The following MICAL2 variants were observed in gnomAD, a reference collection of about 807,000 sequenced individuals.
The protein encoded by MICAL2 is microtubule associated monooxygenase, calponin and LIM domain containing 2.
A neutral mutation model predicts 127.3 loss-of-function variants in MICAL2; 77 were observed. That is an observed-to-expected ratio of 0.60 (90% CI 0.50 to 0.73). The LOEUF (loss-of-function observed/expected upper bound fraction) is 0.73. MICAL2 is among the 30% of genes least tolerant of loss of function. MICAL2 has a pLI of 0.00. For missense variants in MICAL2, 1,351 were observed against 1,434.4 expected (o/e 0.94, Z 0.94); for synonymous variants, 570 against 551.1 (o/e 1.03, Z -0.48).
rs1156325789 is a variant in MICAL2, at chr11:12,286,995, T to C, written c.255-92T>C. ...TCATTAGTCTATTGACTTGTGGTAATTGAGCTATAGGAGATAAATTCCTAC... is the reference window on the plus strand; with the variant it reads ...TCATTAGTCTATTGACTTGTGGTAACTGAGCTATAGGAGATAAATTCCTAC... On this transcript the variant is annotated intron_variant, in intron 2 of 2. Transcript: ENST00000529028. 3 of 398,302 alleles carry C rather than the reference T, an allele frequency of 7.5e-6. No homozygotes were observed. In the South Asian group the frequency reaches 3.9e-4, roughly 52 times the overall value. The allele number at this position is 398,302 out of a possible 1,614,324, so 24.7% of individuals were successfully genotyped here. A position where few individuals can be genotyped will look rare whatever the true frequency, so the allele number is the denominator to read the frequency against.
intron 11 of MICAL2, among the ~76,000 whole-genome samples, 159 bp from the exon 12 acceptor site, chr11:12,223,252 A>G (rs971305083): frequency 6.6e-6 from 1 of 152,186 alleles, no homozygotes; most frequent in Admixed American, 6.5e-5. Flanking sequence ...CCATTGCTCT[A>G]TGACTGAAGT....
intron 21 of MICAL2, among the ~76,000 whole-genome samples, 165 bp downstream of exon 21, chr11:12,244,277 A>G (rs999264061): frequency 6.6e-6 from 1 of 152,196 alleles, no homozygotes. Context: ...GTGTTAGAGC[A>G]CACAACACGG....
At chr11:12,220,534 G>A in intron 9 of MICAL2, 76 bp downstream of exon 9, 1 of 1,548,060 alleles carries the variant, frequency 6.5e-7, no homozygotes, top group Non-Finnish European at 8.7e-7. Context: ...GGCAGTATCT[G>A]CTGTTGTGCA....
chr11:12,293,747 C>A, downstream of MICAL2: 2 of 1,613,922 alleles, frequency 1.2e-6, no homozygotes, highest in Non-Finnish European at 1.7e-6. Flanking sequence ...CCTCTCAGAC[C>A]CTGCAGAGAT....
chr11:12,284,030 G>A (rs914600666), intron 2 of MICAL2, among the ~76,000 whole-genome samples: 1 of 152,186 alleles, frequency 6.6e-6, no homozygotes, highest in Non-Finnish European at 1.5e-5. Flanking sequence ...AGTGGACCAT[G>A]TTCTACACTT....
intron 3 of MICAL2, among the ~76,000 whole-genome samples, chr11:12,172,112 G>A (rs1590180595): frequency 6.6e-6 from 1 of 152,148 alleles, no homozygotes; most frequent in Non-Finnish European, 1.5e-5. Flanking sequence ...CAAGGTGGCT[G>A]CTGCAGCTCC....
At chr11:12,290,586 C>T (rs1407270317), downstream of MICAL2, among the ~76,000 whole-genome samples, 1 of 152,174 alleles carries the variant, frequency 6.6e-6, no homozygotes, top group Non-Finnish European at 1.5e-5. Context: ...CCTTTTTAGG[C>T]TTGAACCTTC....
At chr11:12,360,406 A>G (rs754255982), downstream of MICAL2, among the ~76,000 whole-genome samples, 34 of 152,322 alleles carry the variant, frequency 2.2e-4, no homozygotes, top group Non-Finnish European at 4.6e-4. Context: ...ATAGTATTAA[A>G]GATTTCAGCT....
At position 12,227,007 on chromosome 11, in the gene MICAL2, C is replaced by T. The variant is rs181639139; in HGVS notation, c.1889-18C>T. 46 of 1,594,134 alleles carry T rather than the reference C, an allele frequency of 2.9e-5. No individual in the cohort carries two copies. The highest frequency in any genetic ancestry group is 3.6e-5 in the Non-Finnish European group (42 of 1,162,078). ...AGAGCCAGGTTCCAAATCACAGTTG[C>T]GCTTTATTTCCCAACAGATTCTTGG... On this transcript the variant is annotated intron_variant, in intron 14 of 27. Transcript: ENST00000683283.
At chr11:12,342,322 C>T (rs950459078) in intron 32 of MICAL2, among the ~76,000 whole-genome samples, 15 of 152,216 alleles carry the variant, frequency 9.9e-5, no homozygotes, top group African/African-American at 3.1e-4. Flanking sequence ...AGCAAACCAT[C>T]GCATAGGTAC....
At chr11:12,284,665 G>C (rs1202713745) in intron 2 of MICAL2, among the ~76,000 whole-genome samples, 1 of 152,088 alleles carries the variant, frequency 6.6e-6, no homozygotes, top group Non-Finnish European at 1.5e-5. Context: ...GCTAGCTTTG[G>C]CCAGCAGGAT....
rs567269144 is a variant in MICAL2 at position 12,127,304 on chromosome 11, T to C, written c.-148-11086T>C. ...TTTCTTCTTAGGCATTTTACATGTC[T>C]GCTCATTCATTCATTCAGCAGGTAT... is the stretch of plus-strand genomic sequence containing the variant. On this transcript the variant is annotated intron_variant, in intron 1 of 27. Transcript: ENST00000683283. 1.3e-3 allele frequency among the ~76,000 whole-genome samples: 197 copies of C among 152,340 alleles called. 2 individuals are homozygous for C. The highest frequency in any genetic ancestry group is 3.4e-3 in the Middle Eastern group (1 of 294).
chr11:12,293,686 C>T (rs1863933718), downstream of MICAL2: 4 of 1,613,960 alleles, frequency 2.5e-6, no homozygotes, highest in South Asian at 3.3e-5. Context: ...TGCCTCATCA[C>T]CCAAAGCCAG....
chr11:12,224,083 G>T (rs1857128988), intron 12 of MICAL2, among the ~76,000 whole-genome samples: 1 of 151,972 alleles, frequency 6.6e-6, no homozygotes, highest in Non-Finnish European at 1.5e-5. Context: ...ACCACGACAT[G>T]CCCCACTGCT....
chr11:12,281,412 C>G (rs1055052325), intron 2 of MICAL2, among the ~76,000 whole-genome samples: 14 of 152,112 alleles, frequency 9.2e-5, no homozygotes, highest in African/African-American at 3.1e-4. Context: ...AGTGATCGCT[C>G]TCCTGCCTCC....
intron 29 of MICAL2, among the ~76,000 whole-genome samples, chr11:12,298,980 C>A (rs1864016434): frequency 6.6e-6 from 1 of 152,084 alleles, no homozygotes; most frequent in Non-Finnish European, 1.5e-5. Context: ...ATTGATATCA[C>A]TTTTATATGA....
chr11:12,200,832 T>C (rs1860617207), intron 3 of MICAL2, among the ~76,000 whole-genome samples: 2 of 152,354 alleles, frequency 1.3e-5, no homozygotes, highest in South Asian at 4.1e-4. Context: ...GAAAGGGGTC[T>C]CCTGCCTTGT....
intron 3 of MICAL2, among the ~76,000 whole-genome samples, chr11:12,168,048 C>A (rs1488395829): frequency 6.6e-6 from 1 of 151,874 alleles, no homozygotes; most frequent in Non-Finnish European, 1.5e-5. Flanking sequence ...ACGCCTGTAA[C>A]CCCAGCACTT....
At chr11:12,312,516 G>T (rs1565302163) in intron 29 of MICAL2, among the ~76,000 whole-genome samples, 1 of 151,806 alleles carries the variant, frequency 6.6e-6, no homozygotes, top group Non-Finnish European at 1.5e-5. Context: ...ACTTAATTTT[G>T]TCAAGTCCAA....
Sources: gnomAD v4.1 joint callset for allele counts (sites outside exome capture counted in the v4.1 genomes callset) on GRCh38, gnomAD v4.1.1 for gene constraint, MANE v1.5 for transcripts, NCBI Gene and HGNC (gene_info 2026-07-23, HGNC 2026-07-21) for gene names.